The following LRRC37A2 variants were observed in gnomAD, a reference collection of about 807,000 sequenced individuals.
LRRC37A2 encodes the protein leucine-rich repeat-containing protein 37A2.
LRRC37A2 carries 9 observed loss-of-function variants against 68.8 expected under a neutral mutation model. The observed-to-expected ratio is 0.13, with a 90% CI of 0.08 to 0.23. The LOEUF (loss-of-function observed/expected upper bound fraction) is 0.23. LRRC37A2 is among the 10% of genes least tolerant of loss of function. The pLI, the probability that LRRC37A2 is intolerant of heterozygous loss-of-function variation, is 1.00. For missense variants in LRRC37A2, 168 were observed against 950.4 expected, an observed-to-expected ratio of 0.18 and a Z score of 10.82; for synonymous variants, 63 against 367.6, an observed-to-expected ratio of 0.17 and a Z score of 9.48.
the LRRC37A2 span, among the ~76,000 whole-genome samples, chr17:46,635,722 G>A: frequency 8.9e-6 from 1 of 112,862 alleles, no homozygotes; most frequent in Non-Finnish European, 2.0e-5. Flanking sequence ...TATCCTTAAG[G>A]GGCCATTGGT....
chr17:47,047,868 T>G, the LRRC37A2 span, among the ~76,000 whole-genome samples: 6 of 148,442 alleles, frequency 4.0e-5, no homozygotes, highest in Non-Finnish European at 7.4e-5. Flanking sequence ...ACAGAACAAA[T>G]GCTCAAGGGC....
the LRRC37A2 span, among the ~76,000 whole-genome samples, chr17:46,918,129 G>C: frequency 1.3e-5 from 2 of 152,214 alleles, no homozygotes; most frequent in Non-Finnish European, 2.9e-5. Flanking sequence ...GCCCAGGCTA[G>C]AGTGCAGCGG....
At chr17:46,905,480 C>T in the LRRC37A2 span, among the ~76,000 whole-genome samples, 3 of 152,204 alleles carry the variant, frequency 2.0e-5, no homozygotes, top group African/African-American at 7.2e-5. Flanking sequence ...AGCAAGAAGA[C>T]TTTGTTTCAT....
At chr17:46,894,543 G>A in the LRRC37A2 span, among the ~76,000 whole-genome samples, 1 of 152,240 alleles carries the variant, frequency 6.6e-6, no homozygotes, top group Non-Finnish European at 1.5e-5. Context: ...CTGGACTTCA[G>A]CTGCCCTCCC....
the LRRC37A2 span, among the ~76,000 whole-genome samples, chr17:46,891,108 G>A: frequency 1.3e-5 from 2 of 152,184 alleles, no homozygotes; most frequent in African/African-American, 4.8e-5. Flanking sequence ...GGCAGCCTCA[G>A]GGCTGTCTGG....
chr17:46,750,638 A>G, the LRRC37A2 span, among the ~76,000 whole-genome samples: 2 of 152,356 alleles, frequency 1.3e-5, no homozygotes, highest in African/African-American at 4.8e-5. Flanking sequence ...CCATTCCTCA[A>G]TGTAGGCAGC....
the LRRC37A2 span, among the ~76,000 whole-genome samples, chr17:46,774,196 T>A: frequency 6.6e-6 from 1 of 152,226 alleles, no homozygotes; most frequent in African/African-American, 2.4e-5. Context: ...AAAAGAGGTT[T>A]GGACTAGAAA....
the LRRC37A2 span, among the ~76,000 whole-genome samples, chr17:46,863,315 C>G: frequency 6.6e-6 from 1 of 152,162 alleles, no homozygotes; most frequent in Non-Finnish European, 1.5e-5. Context: ...GGTTAGACAC[C>G]TAAGGGGCAT....
the LRRC37A2 span, among the ~76,000 whole-genome samples, chr17:46,839,100 A>C: frequency 2.6e-5 from 4 of 151,788 alleles, no homozygotes; most frequent in Admixed American, 6.6e-5. Context: ...CTGGTCTCGA[A>C]CTCCTGACCT....
chr17:47,004,558 G>T, the LRRC37A2 span, among the ~76,000 whole-genome samples: 1 of 152,316 alleles, frequency 6.6e-6, no homozygotes, highest in Middle Eastern at 3.4e-3. Context: ...ACAGGGTCTT[G>T]CTCTGTCACC....
the LRRC37A2 span, among the ~76,000 whole-genome samples, chr17:46,817,846 C>G: frequency 6.6e-5 from 10 of 152,236 alleles, no homozygotes; most frequent in Admixed American, 4.6e-4. Context: ...AGGAACCCCC[C>G]TTTTGCCAGG....
At chr17:47,003,989 C>G in the LRRC37A2 span, among the ~76,000 whole-genome samples, 5 of 152,074 alleles carry the variant, frequency 3.3e-5, no homozygotes, top group South Asian at 8.3e-4. Flanking sequence ...TTTGTTCTTA[C>G]GATAGTTTGC....
At chr17:46,804,173 C>G in the LRRC37A2 span, among the ~76,000 whole-genome samples, 1 of 151,954 alleles carries the variant, frequency 6.6e-6, no homozygotes, top group Non-Finnish European at 1.5e-5. Context: ...CTGCAACCAC[C>G]ACCTCCTGGG....
At chr17:46,922,257 C>T in the LRRC37A2 span, among the ~76,000 whole-genome samples, 1 of 152,098 alleles carries the variant, frequency 6.6e-6, no homozygotes, top group East Asian at 1.9e-4. Context: ...ATTACATGTT[C>T]TCACTCATAG....
At chr17:46,965,888 C>T in the LRRC37A2 span, among the ~76,000 whole-genome samples, 3 of 151,534 alleles carry the variant, frequency 2.0e-5, no homozygotes, top group Non-Finnish European at 4.4e-5. Flanking sequence ...GCCTTGGCCT[C>T]CCAAAGTGCT....
At chr17:46,738,248 T>A in the LRRC37A2 span, among the ~76,000 whole-genome samples, 1 of 152,080 alleles carries the variant, frequency 6.6e-6, no homozygotes, top group Admixed American at 6.6e-5. Flanking sequence ...TTTTTTTAAT[T>A]AACGTACAAT....
chr17:46,382,423 G>A, the LRRC37A2 span, among the ~76,000 whole-genome samples: 7 of 66,252 alleles, frequency 1.1e-4, no homozygotes, highest in African/African-American at 3.5e-4. Flanking sequence ...GTGCAGTGGC[G>A]CAGTCATAGC....
At chr17:46,911,158 A>G in the LRRC37A2 span, among the ~76,000 whole-genome samples, 1 of 152,252 alleles carries the variant, frequency 6.6e-6, no homozygotes, top group African/African-American at 2.4e-5. Flanking sequence ...TGAAGTACAT[A>G]GAATGGGTAG....
intron 11 of LRRC37A2, among the ~76,000 whole-genome samples, chr17:46,550,919 A>G (rs2056727811): frequency 6.7e-6 from 1 of 148,444 alleles, no homozygotes; most frequent in Non-Finnish European, 1.5e-5. Context: ...CTGGAGAGGA[A>G]GGAGAGAGCC....
Sources: gnomAD v4.1 joint callset for allele counts (sites outside exome capture counted in the v4.1 genomes callset) on GRCh38, gnomAD v4.1.1 for gene constraint, MANE v1.5 for transcripts, NCBI Gene and HGNC (gene_info 2026-07-23, HGNC 2026-07-21) for gene names.